POLE3: variants seen among roughly 807,000 people sequenced by gnomAD.
POLE3 encodes the protein DNA polymerase epsilon 3, accessory subunit, also known as DNA polymerase epsilon subunit 3.
A neutral mutation model predicts 16.1 loss-of-function variants in POLE3; 10 were observed. That is an observed-to-expected ratio of 0.62 (90% CI 0.38 to 1.05). The LOEUF (loss-of-function observed/expected upper bound fraction) is 1.05. POLE3 is among the 50% of genes least tolerant of loss of function. The pLI is 0.01. For missense variants in POLE3, 169 were observed against 185.0 expected (o/e 0.91, Z 0.50); for synonymous variants, 83 against 71.0 (o/e 1.17, Z -0.85).
rs754848650 is a variant in POLE3 at position 113,410,230 on chromosome 9, C to T, written c.64G>A (p.Ala22Thr). 1 of 1,613,790 alleles carries T rather than the reference C, an allele frequency of 6.2e-7. No individual in the cohort carries two copies. The highest frequency in any genetic ancestry group is 8.5e-7 in the Non-Finnish European group (1 of 1,179,988). ...NAVITRIIKE[A>T]LPDGVNISKE... is the part of the protein sequence containing the mutation. ...TCCGCCCCCCCCGAGCTGCTCACCG[C>T]CTCCTTGATGATCCTGGTGATCACG... is the stretch of plus-strand genomic sequence containing the variant. The change falls in exon 2 of 5, where the codon GCG becomes ACG. Residue 22 changes from alanine to threonine, a missense_variant and splice_region_variant. Transcript: ENST00000374171.
Position 113,410,615 on chromosome 9 carries a change from A to G in POLE3, c.-116+2T>C, listed in dbSNP as rs1828090156. The G allele has an allele frequency of 4.3e-6, 2 of 460,954 alleles. No individual in the cohort carries two copies. Among genetic ancestry groups the G allele is most frequent in the Non-Finnish European group, 8.0e-6 (2 of 251,400 alleles). 28.6% of individuals were successfully genotyped at this position (460,954 alleles called of 1,614,324 possible). A position where few individuals can be genotyped will look rare whatever the true frequency, so the allele number is the denominator to read the frequency against. ...CCATCGCCGCGTCGGGAACCTTCTC[A>G]CCAACTTATTTGGCTCAATGGAGCT... On this transcript the variant is annotated splice_donor_variant, in intron 1 of 4. Coordinates refer to ENST00000374171, the MANE Select transcript of POLE3 (RefSeq NM_017443.5). LOFTEE classifies it low-confidence loss of function (5UTR_SPLICE).
rs1827999650 is a variant in POLE3, at chr9:113,408,962, C to T, written c.293G>A (p.Gly98Asp). ...CTTTTGCTCTGAGGCCTCCTTCTTG[C>T]CTTTCTGCTCCCGCCTATATGCTGT... ...ALEAYRREQK[G>D]KKEASEQKKK... Residue 98 changes from glycine (G) to aspartate (D), a missense_variant, in exon 5 of 5, where the codon GGC (glycine) becomes GAC (aspartate). Coordinates refer to ENST00000374171, the MANE Select transcript of POLE3 (RefSeq NM_017443.5). 6.2e-7 allele frequency: 1 copy of T among 1,613,552 alleles called. No homozygotes were observed. Among genetic ancestry groups the T allele is most frequent in the Admixed American group, 1.7e-5 (1 of 59,980 alleles).
chr9:113,409,868 C>G, intron 3 of POLE3, 140 bp from the exon 4 acceptor site: 1 of 764,466 alleles, frequency 1.3e-6, no homozygotes, highest in South Asian at 1.6e-5. Context: ...CTTCCCTTCT[C>G]TGCACAAAAA....
chr9:113,409,375 A>C (rs1828019619), intron 4 of POLE3, among the ~76,000 whole-genome samples: 1 of 151,690 alleles, frequency 6.6e-6, no homozygotes. Flanking sequence ...AAAAAAAAAA[A>C]AAACAAAAAC....
In POLE3 at chr9:113,408,735, G is replaced by T; in HGVS notation, c.*76C>A. The T allele has an allele frequency of 2.4e-6, 3 of 1,257,570 alleles. No homozygotes were observed. The highest frequency in any genetic ancestry group is 3.4e-6 in the Non-Finnish European group (3 of 878,150). 77.9% of individuals were successfully genotyped at this position (1,257,570 alleles called of 1,614,324 possible). On this transcript the variant is annotated 3_prime_UTR_variant, in exon 5 of 5. Coordinates refer to ENST00000374171, the MANE Select transcript of POLE3 (RefSeq NM_017443.5). ...GCCTGAGACTACTCTGCCCAGCATG[G>T]AAAAGCTTCACAGAAACACGTAGCA...
Position 113,409,994 on chromosome 9 carries a change from C to T in POLE3, c.152+61G>A, listed in dbSNP as rs1828052915. On this transcript the variant is annotated intron_variant, in intron 3 of 4. Transcript: ENST00000374171. ...ACACAATCGTTGGGGTTTGTAGGCT[C>T]CCAGCCAGCAACTCCCAGCCAGGTA... 2.9e-6 allele frequency: 4 copies of T among 1,387,530 alleles called. No individual in the cohort carries two copies. In the Admixed American group the frequency reaches 6.0e-5, roughly 21 times the overall value. 86.0% of individuals were successfully genotyped at this position (1,387,530 alleles called of 1,614,324 possible). A position where few individuals can be genotyped will look rare whatever the true frequency, so the allele number is the denominator to read the frequency against.
chr9:113,410,084 G>A lies in POLE3; in HGVS notation c.123C>T (p.Ala41=). ...KEARSAISRA[A]SVFVLYATSC... is the part of the protein sequence containing the mutation. ...ATGTGGCGTACAGCACGAAGACGCT[G>A]GCGGCGCGGGAGATGGCGCTCCGGG... Residue 41 remains alanine, a synonymous_variant, in exon 3 of 5, where the codon GCC becomes GCT. Transcript: ENST00000374171. 1 of 1,579,804 alleles carries A rather than the reference G, an allele frequency of 6.3e-7. No individual in the cohort carries two copies.
At position 113,410,049 on chromosome 9, in the gene POLE3, G is replaced by C; in HGVS notation, c.152+6C>G. The C allele has an allele frequency of 6.4e-7, 1 of 1,554,840 alleles. No individual in the cohort carries two copies. The highest frequency in any genetic ancestry group is 1.4e-5 in the African/African-American group (1 of 73,836). ...CGCGCCTCCCTTATGCCTCTGTCCCGCTCACCAGGATGTGGCGTACAGCAC... is the reference window on the plus strand; with the variant it reads ...CGCGCCTCCCTTATGCCTCTGTCCCCCTCACCAGGATGTGGCGTACAGCAC... On this transcript the variant is annotated splice_donor_region_variant and intron_variant, in intron 3 of 4. Transcript: ENST00000374171.
rs181000840 is a variant in POLE3 at position 113,409,990 on chromosome 9, G to A, written c.152+65C>T. 104 of 1,346,564 alleles carry A rather than the reference G, an allele frequency of 7.7e-5. No homozygotes were observed. The African/African-American group carries it at 1.4e-3, about 18-fold the overall frequency. The allele number at this position is 1,346,564 out of a possible 1,614,324, so 83.4% of individuals were successfully genotyped here. A position where few individuals can be genotyped will look rare whatever the true frequency, so the allele number is the denominator to read the frequency against. ...GAGAACACAATCGTTGGGGTTTGTA[G>A]GCTCCCAGCCAGCAACTCCCAGCCA... On this transcript the variant is annotated intron_variant, in intron 3 of 4. Transcript: ENST00000374171.
chr9:113,410,739 A>G (rs3810924), upstream of POLE3: 9,442 of 229,010 alleles, frequency 0.041, 276 homozygotes, highest in South Asian at 0.083. Flanking sequence ...GGCGGGGCGG[A>G]TCCCTTTAGG....
At chr9:113,409,012 A>T in intron 4 of POLE3, 29 bp from the exon 5 acceptor site, 1 of 1,606,816 alleles carries the variant, frequency 6.2e-7, no homozygotes, top group South Asian at 1.1e-5. Context: ...GGGTTAGGAG[A>T]CAGAGCTGAA....
chr9:113,409,651 T>TC lies in POLE3; in HGVS notation c.229dup (p.Glu77GlyfsTer17), dbSNP rs778149242. The TC allele has an allele frequency of 6.2e-7, 1 of 1,613,186 alleles. No homozygotes were observed. The highest frequency in any genetic ancestry group is 1.7e-5 in the Admixed American group (1 of 60,026). ...CAATGGGGTAACGAACCGCTGGAAC[T>TC]CCATCTCTTCCATGGCTGAGAGCAC... On this transcript the variant is annotated frameshift_variant, in exon 4 of 5. Coordinates refer to ENST00000374171, the MANE Select transcript of POLE3 (RefSeq NM_017443.5). LOFTEE classifies it high-confidence loss of function.
chr9:113,407,864 GGA>G lies in POLE3; in HGVS notation c.*945_*946del, dbSNP rs567063548. ...TGGGATGGGGAGCAGAGGAGAGGCA[GGA>G]GAGAGAAAGGAAGCAGGAGGCACAG... On this transcript the variant is annotated 3_prime_UTR_variant, in exon 5 of 5. Coordinates refer to ENST00000374171, the MANE Select transcript of POLE3 (RefSeq NM_017443.5). The G allele has an allele frequency of 2.7e-3, 406 of 152,950 alleles. 1 individual carries two copies. Among genetic ancestry groups the G allele is most frequent in the Non-Finnish European group, 5.0e-3 (341 of 68,112 alleles). 9.5% of individuals were successfully genotyped at this position (152,950 alleles called of 1,614,324 possible).
chr9:113,409,939 G>A (rs985833339), intron 3 of POLE3, 116 bp downstream of exon 3: 2 of 860,272 alleles, frequency 2.3e-6, no homozygotes, highest in East Asian at 2.7e-5. Context: ...AACTGGCAGA[G>A]GACTGTGAAC....
intron 4 of POLE3, among the ~76,000 whole-genome samples, chr9:113,409,327 T>C (rs1408571067): frequency 1.6e-5 from 2 of 126,064 alleles, no homozygotes; most frequent in Admixed American, 2.0e-4. Flanking sequence ...ATCACTGCAC[T>C]CCAGCTTGGG....
At position 113,410,368 on chromosome 9, in the gene POLE3, A is replaced by G; in HGVS notation, c.-75T>C. The G allele has an allele frequency of 6.4e-6, 9 of 1,400,090 alleles. No individual in the cohort carries two copies. The highest frequency in any genetic ancestry group is 8.9e-6 in the Non-Finnish European group (9 of 1,007,264). The allele number at this position is 1,400,090 out of a possible 1,614,324, so 86.7% of individuals were successfully genotyped here. A position where few individuals can be genotyped will look rare whatever the true frequency, so the allele number is the denominator to read the frequency against. ...CTGCGTCCGGACTTCCCGCGTCGCT[A>G]CGGTCTGACCCTGCGAGGTTTCCGT... On this transcript the variant is annotated 5_prime_UTR_variant, in exon 2 of 5. Transcript: ENST00000374171.
chr9:113,409,831 T>G, intron 3 of POLE3, 103 bp from the exon 4 acceptor site: 1 of 842,094 alleles, frequency 1.2e-6, no homozygotes, highest in Non-Finnish European at 2.0e-6. Flanking sequence ...CTTACATGTA[T>G]GGATTTTGGT....
rs1029053183 is a variant in POLE3 at position 113,408,568 on chromosome 9, G to A, written c.*243C>T. ...GCAAACTGACTAATTTAGTCGTTCA[G>A]AATCCCTCTTGTCAAAAGGCCATAA... On this transcript the variant is annotated 3_prime_UTR_variant, in exon 5 of 5. Coordinates refer to ENST00000374171, the MANE Select transcript of POLE3 (RefSeq NM_017443.5). 3 of 351,032 alleles carry A rather than the reference G, an allele frequency of 8.5e-6. No homozygotes were observed. Among genetic ancestry groups the A allele is most frequent in the African/African-American group, 4.2e-5 (2 of 48,142 alleles). The allele number at this position is 351,032 out of a possible 1,614,324, so 21.7% of individuals were successfully genotyped here.
intron 4 of POLE3, 101 bp from the exon 5 acceptor site, chr9:113,409,084 G>A: frequency 9.2e-7 from 1 of 1,081,752 alleles, no homozygotes; most frequent in Non-Finnish European, 1.4e-6. Context: ...GGAGGCAGAT[G>A]GGCGCGGTGG....
Sources: gnomAD v4.1 joint callset for allele counts (sites outside exome capture counted in the v4.1 genomes callset) on GRCh38, gnomAD v4.1.1 for gene constraint, MANE v1.5 for transcripts, NCBI Gene and HGNC (gene_info 2026-07-23, HGNC 2026-07-21) for gene names.